Variants in HIPK4 observed in about 807,000 individuals in gnomAD.
The protein encoded by HIPK4 is homeodomain-interacting protein kinase 4.
A neutral mutation model predicts 44.8 loss-of-function variants in HIPK4; 26 were observed. The observed-to-expected ratio is 0.58, with a 90% CI of 0.43 to 0.80. The LOEUF (loss-of-function observed/expected upper bound fraction) is 0.80. Among genes scored for constraint, HIPK4 ranks in the 30% least tolerant of loss-of-function variants. The pLI is 0.00. For missense variants in HIPK4, 729 were observed against 862.6 expected (o/e 0.85, Z 1.94); for synonymous variants, 340 against 355.5 (o/e 0.96, Z 0.49).
At chr19:40,387,192 C>T (rs1240648117) in intron 1 of HIPK4, among the ~76,000 whole-genome samples, 1 of 151,994 alleles carries the variant, frequency 6.6e-6, no homozygotes, top group African/African-American at 2.4e-5. Context: ...ACTGCCTCTC[C>T]ATCACTTGCC....
At chr19:40,383,084 T>TC (rs1453786303) in intron 2 of HIPK4, among the ~76,000 whole-genome samples, 1 of 138,214 alleles carries the variant, frequency 7.2e-6, no homozygotes, top group African/African-American at 2.6e-5. Flanking sequence ...TTTCTTTCTT[T>TC]TTTTTTTTTT....
chr19:40,382,592 C>T (rs1430200328), intron 2 of HIPK4, among the ~76,000 whole-genome samples: 1 of 152,102 alleles, frequency 6.6e-6, no homozygotes, highest in Non-Finnish European at 1.5e-5. Flanking sequence ...ATCTAATTCT[C>T]CCTGCAGTTT....
chr19:40,379,598 C>A lies in HIPK4; in HGVS notation c.1840G>T (p.Gly614Trp). ...GATSFLQHVT[G>W]HH ...GGGTGGAATCACCATCAGTGGTGCC[C>A]GGTGACATGCTGGAGGAAGCTGGTG... The change falls in exon 4 of 4, where the codon GGG becomes TGG. Residue 614 changes from glycine to tryptophan, a missense_variant. Gly to Trp is a radical substitution (Grantham distance 184). This residue lies in a region of HIPK4 where 533 missense variants were observed against 567.5 expected (regional missense o/e 0.94). Coordinates refer to ENST00000291823, the MANE Select transcript of HIPK4 (RefSeq NM_144685.5). 1 of 1,535,020 alleles carries A rather than the reference C, an allele frequency of 6.5e-7. No individual in the cohort carries two copies. Among genetic ancestry groups the A allele is most frequent in the Non-Finnish European group, 8.8e-7 (1 of 1,141,706 alleles).
Position 40,384,058 on chromosome 19 carries a change from C to A in HIPK4, c.547G>T (p.Ala183Ser). Residue 183 changes from alanine to serine, a missense_variant, in exon 2 of 4, where the codon GCC becomes TCC. Ala to Ser is a moderately conservative substitution (Grantham distance 99). This residue lies in a region of HIPK4 where 196 missense variants were observed against 295.1 expected (regional missense o/e 0.66). Transcript: ENST00000291823. ...EPYIQSRFYRAPEILLGLPFC... is the reference protein window; with the variant it reads ...EPYIQSRFYRSPEILLGLPFC... ...GGCAGCCCCAGCAGGATCTCAGGGG[C>A]CCGGTAGAAGCGCGACTGGATGTAT... 1.2e-6 allele frequency: 2 copies of A among 1,613,696 alleles called. No individual in the cohort carries two copies. The highest frequency in any genetic ancestry group is 8.5e-7 in the Non-Finnish European group (1 of 1,179,706).
In HIPK4 at chr19:40,389,334, A is replaced by G. The variant is rs1401270659; in HGVS notation, c.465+104T>C. On this transcript the variant is annotated intron_variant, in intron 1 of 3. Coordinates refer to ENST00000291823, the MANE Select transcript of HIPK4 (RefSeq NM_144685.5). This position sits in a 1 kb window ranked among gnomAD's most constrained non-coding sequence, Gnocchi z 4.6. ...ATGAAACTCCGTCTCAAAAATAATAATAATAATAATTTTAAAAAATTAAAA... is the reference window on the plus strand; with the variant it reads ...ATGAAACTCCGTCTCAAAAATAATAGTAATAATAATTTTAAAAAATTAAAA... The G allele has an allele frequency of 3.9e-6, 2 of 509,192 alleles. No individual in the cohort carries two copies. Among genetic ancestry groups the G allele is most frequent in the Non-Finnish European group, 6.0e-6 (2 of 330,940 alleles). The allele number at this position is 509,192 out of a possible 1,614,324, so 31.5% of individuals were successfully genotyped here.
At chr19:40,382,475 A>G (rs960006399) in intron 2 of HIPK4, among the ~76,000 whole-genome samples, 2 of 151,950 alleles carry the variant, frequency 1.3e-5, no homozygotes, top group African/African-American at 4.8e-5. Flanking sequence ...CAAGTTGCTG[A>G]CCCCGGAGCT....
Position 40,379,788 on chromosome 19 carries a change from G to T in HIPK4, c.1669-19C>A. 1 of 1,603,038 alleles carries T rather than the reference G, an allele frequency of 6.2e-7. No homozygotes were observed. On this transcript the variant is annotated intron_variant, in intron 3 of 3. Coordinates refer to ENST00000291823, the MANE Select transcript of HIPK4 (RefSeq NM_144685.5). ...CTGGCCTCTGTGGGGGAAGAGAGAG[G>T]GGCATCAGCCAAGCAGTGTTAGTGT...
intron 1 of HIPK4, among the ~76,000 whole-genome samples, chr19:40,385,907 G>A (rs897953902): frequency 2.6e-5 from 4 of 151,144 alleles, no homozygotes; most frequent in Non-Finnish European, 5.9e-5. Context: ...GGGGTTTCAC[G>A]ATGATGGCCA....
chr19:40,387,563 C>G (rs560901555), intron 1 of HIPK4, among the ~76,000 whole-genome samples: 1 of 151,816 alleles, frequency 6.6e-6, no homozygotes, highest in African/African-American at 2.4e-5. Flanking sequence ...GCAACCTCCG[C>G]CCCCATATGG....
In HIPK4 at chr19:40,389,754, C is replaced by T. The variant is rs146668696; in HGVS notation, c.149G>A (p.Arg50His). ...CAGCTTCAGCTCGTTCTTGATGATG[C>T]GGTTGCGGTAGGCGTCATTCTTGAG... is the stretch of plus-strand genomic sequence containing the variant. ...KILKNDAYRN[R>H]IIKNELKLLH... The change falls in exon 1 of 4, where the codon CGC becomes CAC. Residue 50 changes from arginine to histidine, a missense_variant. Arg to His is a conservative substitution (Grantham distance 29, BLOSUM62 0). Around this residue, in one of 2 missense-constraint regions of HIPK4, gnomAD observed 196 missense variants for 295.1 expected, o/e 0.66. Coordinates refer to ENST00000291823, the MANE Select transcript of HIPK4 (RefSeq NM_144685.5). This position sits in a 1 kb window ranked among gnomAD's most constrained non-coding sequence, Gnocchi z 4.6. The T allele has an allele frequency of 4.3e-6, 7 of 1,614,156 alleles. No individual in the cohort carries two copies. The highest frequency in any genetic ancestry group is 2.2e-5 in the South Asian group (2 of 91,082).
chr19:40,383,568 C>A (rs1225979448), intron 2 of HIPK4, among the ~76,000 whole-genome samples: 2 of 152,106 alleles, frequency 1.3e-5, no homozygotes, highest in African/African-American at 2.4e-5. Flanking sequence ...TAGGCCCATA[C>A]CACCGTGCCC....
chr19:40,386,745 A>C (rs1204379022), intron 1 of HIPK4, among the ~76,000 whole-genome samples: 1 of 152,214 alleles, frequency 6.6e-6, no homozygotes, highest in Non-Finnish European at 1.5e-5. Context: ...AGATGCCTAG[A>C]ACAGGGCTTG....
chr19:40,386,917 C>G (rs760456011), intron 1 of HIPK4, among the ~76,000 whole-genome samples: 4 of 151,770 alleles, frequency 2.6e-5, no homozygotes, highest in African/African-American at 4.8e-5. Flanking sequence ...TGCAGTGGCG[C>G]AATCTCGGCT....
intron 1 of HIPK4, among the ~76,000 whole-genome samples, chr19:40,386,577 C>G (rs906581858): frequency 6.6e-6 from 1 of 151,646 alleles, no homozygotes; most frequent in Non-Finnish European, 1.5e-5. Flanking sequence ...CAGGATGGCT[C>G]CTGGGCTCAA....
Position 40,380,538 on chromosome 19 carries a change from G to C in HIPK4, c.1453C>G (p.Arg485Gly). ...LAFYSSRLAG[R>G]HKARKPPAGS... is the part of the protein sequence containing the mutation. Reference sequence around the variant, plus strand: ...GCAGGTGGCTTGCGGGCCTTGTGGCGGCCTGCCAGGCGGCTGCTGTAGAAG... The same window carrying C: ...GCAGGTGGCTTGCGGGCCTTGTGGCCGCCTGCCAGGCGGCTGCTGTAGAAG... The change falls in exon 3 of 4, where the codon CGC (arginine) becomes GGC (glycine). Residue 485 changes from arginine to glycine, a missense_variant. Transcript: ENST00000291823. This position sits in a 1 kb window ranked among gnomAD's most constrained non-coding sequence, Gnocchi z 4.2. 6.2e-7 allele frequency: 1 copy of C among 1,611,694 alleles called. No homozygotes were observed. Among genetic ancestry groups the C allele is most frequent in the South Asian group, 1.1e-5 (1 of 91,066 alleles).
At chr19:40,387,523 T>C (rs749769846) in intron 1 of HIPK4, among the ~76,000 whole-genome samples, 6 of 152,174 alleles carry the variant, frequency 3.9e-5, no homozygotes, top group Non-Finnish European at 8.8e-5. Flanking sequence ...TTGTCCAAGC[T>C]GGAGTGCAGC....
At chr19:40,384,207 C>G in intron 1 of HIPK4, 68 bp from the exon 2 acceptor site, 1 of 1,255,888 alleles carries the variant, frequency 8.0e-7, no homozygotes, top group Non-Finnish European at 1.1e-6. Context: ...TGGGCCACCC[C>G]GGCATCTTTC....
rs778760678 is a variant in HIPK4, at chr19:40,380,419, C to T, written c.1572G>A (p.Glu524=). The T allele has an allele frequency of 2.5e-6, 4 of 1,614,206 alleles. No homozygotes were observed. In the East Asian group the frequency reaches 8.9e-5, roughly 36 times the overall value. The change falls in exon 3 of 4, where the codon GAG becomes GAA. Residue 524 remains glutamate (E), a synonymous_variant. Coordinates refer to ENST00000291823, the MANE Select transcript of HIPK4 (RefSeq NM_144685.5). This position sits in a 1 kb window ranked among gnomAD's most constrained non-coding sequence, Gnocchi z 4.2. Reference sequence around the variant, plus strand: ...CAGAGGCCCCGAGATGCTCTCCTTCCTCCCAGCTGCTGCCCCGGCAGGGCC... The same window carrying T: ...CAGAGGCCCCGAGATGCTCTCCTTCTTCCCAGCTGCTGCCCCGGCAGGGCC... ...DDRPCRGSSW[E]EGEHLGASAE...
rs542809224 is a variant in HIPK4 at position 40,382,050 on chromosome 19, C to T, written c.823-882G>A. On this transcript the variant is annotated intron_variant, in intron 2 of 3. Coordinates refer to ENST00000291823, the MANE Select transcript of HIPK4 (RefSeq NM_144685.5). ...CGAACTCCTGACCTCAGGTGATCCA[C>T]CCACCTCGGCCTCCCAAAGTGCTGG... Among the ~76,000 whole-genome samples the T allele has an allele frequency of 3.7e-4, 57 of 152,164 alleles. No homozygotes were observed. The East Asian group carries it at 5.6e-3, about 15-fold the overall frequency.
Sources: allele counts gnomAD v4.1 joint callset (sites outside exome capture counted in the v4.1 genomes callset), GRCh38; gene constraint gnomAD v4.1.1; regional missense constraint gnomAD v4.1.1; non-coding constraint Gnocchi (gnomAD v3.1); transcripts MANE v1.5; gene names NCBI Gene and HGNC (gene_info 2026-07-23, HGNC 2026-07-21).